FOXP1: variants seen among roughly 807,000 people sequenced by gnomAD.
FOXP1 encodes the protein forkhead box P1, also known as forkhead box protein P1.
Under a neutral mutation model 98.2 loss-of-function variants are expected in FOXP1, and 15 were observed. The ratio of observed to expected loss-of-function variants is 0.15; its 90% CI spans 0.10 to 0.24. The LOEUF (loss-of-function observed/expected upper bound fraction) is 0.24. Among genes scored for constraint, FOXP1 ranks in the 10% least tolerant of loss-of-function variants. The pLI, the probability that FOXP1 is intolerant of heterozygous loss-of-function variation, is 1.00. For synonymous variants in FOXP1, 371 were observed against 314.5 expected, an observed-to-expected ratio of 1.18 and a Z score of -1.90; for missense variants, 633 against 848.5, an observed-to-expected ratio of 0.75 and a Z score of 3.15.
chr3:71,492,876 C>A (rs1474101934), intron 3 of FOXP1, among the ~76,000 whole-genome samples: 4 of 152,104 alleles, frequency 2.6e-5, no homozygotes, highest in African/African-American at 9.7e-5. Flanking sequence ...TCTAACCTCC[C>A]CCTAAAAAGT....
intron 6 of FOXP1, among the ~76,000 whole-genome samples, chr3:71,133,492 C>G (rs972677367): frequency 1.3e-5 from 2 of 152,158 alleles, no homozygotes; most frequent in African/African-American, 4.8e-5. Context: ...AATGGCTTCA[C>G]GCTAATTGCT....
chr3:71,322,919 C>T (rs1434025746), intron 4 of FOXP1, among the ~76,000 whole-genome samples: 4 of 152,018 alleles, frequency 2.6e-5, no homozygotes, highest in African/African-American at 7.3e-5. Context: ...ATGCCAGAGC[C>T]CTTGCCCCAA....
chr3:71,125,877 A>G (rs956517488), intron 6 of FOXP1, among the ~76,000 whole-genome samples: 2 of 152,208 alleles, frequency 1.3e-5, no homozygotes, highest in Non-Finnish European at 2.9e-5. Context: ...TTGAAGCCCA[A>G]TTCTACCATT....
intron 2 of FOXP1, among the ~76,000 whole-genome samples, chr3:71,564,540 G>C (rs1407559776): frequency 2.0e-5 from 3 of 152,216 alleles, no homozygotes; most frequent in African/African-American, 7.2e-5. Flanking sequence ...AGTGTTAAAA[G>C]TCTCTGGTTG....
At chr3:71,070,840 A>C (rs1192737752) in intron 7 of FOXP1, among the ~76,000 whole-genome samples, 1 of 152,246 alleles carries the variant, frequency 6.6e-6, no homozygotes, top group Non-Finnish European at 1.5e-5. Context: ...AATGAAGCTT[A>C]GCAGTTGCAA....
At chr3:71,428,191 A>AAGG (rs1400833730) in intron 3 of FOXP1, among the ~76,000 whole-genome samples, 2 of 152,192 alleles carry the variant, frequency 1.3e-5, no homozygotes, top group Non-Finnish European at 2.9e-5. Flanking sequence ...CCCTCAGAAC[A>AAGG]AGGCATTCAG....
intron 7 of FOXP1, among the ~76,000 whole-genome samples, chr3:71,077,110 G>T (rs542013788): frequency 6.6e-6 from 1 of 152,214 alleles, no homozygotes; most frequent in Non-Finnish European, 1.5e-5. Context: ...AACAAAGCTT[G>T]AAGAGAGCTC....
At chr3:71,520,427 A>G (rs994134109) in intron 2 of FOXP1, among the ~76,000 whole-genome samples, 1 of 152,244 alleles carries the variant, frequency 6.6e-6, no homozygotes, top group African/African-American at 2.4e-5. Context: ...GCAACTCCAC[A>G]GGAATCCTTG....
At chr3:71,404,117 T>C (rs1444861291) in intron 3 of FOXP1, among the ~76,000 whole-genome samples, 53 of 73,984 alleles carry the variant, frequency 7.2e-4, no homozygotes, top group African/African-American at 2.0e-3. Flanking sequence ...TTCTTTTCTT[T>C]TTCTTTTTTT....
At chr3:71,021,913 A>C (rs1246916972) in intron 11 of FOXP1, among the ~76,000 whole-genome samples, 2 of 152,056 alleles carry the variant, frequency 1.3e-5, no homozygotes, top group Non-Finnish European at 2.9e-5. Flanking sequence ...TTATCTTTTT[A>C]CTTTCTTTAC....
At chr3:71,330,205 T>C (rs146279159) in intron 4 of FOXP1, among the ~76,000 whole-genome samples, 12 of 152,342 alleles carry the variant, frequency 7.9e-5, no homozygotes, top group Non-Finnish European at 1.3e-4. Context: ...TACTTTAACA[T>C]TCTCCTTTGC....
At chr3:71,071,650 T>G (rs74834312) in intron 7 of FOXP1, among the ~76,000 whole-genome samples, 22,880 of 152,162 alleles carry the variant, frequency 0.15, 2,508 homozygotes, top group East Asian at 0.51. Context: ...CTTGGCTCAC[T>G]GCAACCTCCG....
intron 3 of FOXP1, among the ~76,000 whole-genome samples, chr3:71,383,377 G>A (rs1175761526): frequency 1.3e-5 from 2 of 152,172 alleles, no homozygotes; most frequent in Non-Finnish European, 2.9e-5. Flanking sequence ...ATAAAATGCT[G>A]TGAGGCTGAG....
Position 71,222,017 on chromosome 3 carries a change from G to A in FOXP1, c.-11-23625C>T, listed in dbSNP as rs565093190. Among the ~76,000 whole-genome samples the A allele has an allele frequency of 2.0e-5, 3 of 152,296 alleles. No homozygotes were observed. The East Asian group carries it at 5.8e-4, about 29-fold the overall frequency. On this transcript the variant is annotated intron_variant, in intron 5 of 20. Coordinates refer to ENST00000649528, the MANE Select transcript of FOXP1 (RefSeq NM_001349338.3). ...AAAATACAAAAATTACCTGGGCATG[G>A]TGGCGTGCGCCAGTAGTCCCAGCTA...
At chr3:71,398,094 A>G (rs561559915) in intron 3 of FOXP1, among the ~76,000 whole-genome samples, 1 of 152,328 alleles carries the variant, frequency 6.6e-6, no homozygotes, top group East Asian at 1.9e-4. Flanking sequence ...CACTCTTCGT[A>G]CCACTCATAG....
rs555695538 is a variant in FOXP1, at chr3:71,130,738, C to G, written c.181-18101G>C. 3 of 1,479,928 alleles carry G rather than the reference C, an allele frequency of 2.0e-6. No homozygotes were observed. The East Asian group carries it at 7.4e-5, about 36-fold the overall frequency. The allele number at this position is 1,479,928 out of a possible 1,614,324, so 91.7% of individuals were successfully genotyped here. A position where few individuals can be genotyped will look rare whatever the true frequency, so the allele number is the denominator to read the frequency against. On this transcript the variant is annotated intron_variant, in intron 6 of 20. Coordinates refer to ENST00000649528, the MANE Select transcript of FOXP1 (RefSeq NM_001349338.3). ...TGCCTCCACAGTAGCTGGCTGGGCT[C>G]TCACTAAATGACAAAGAAACCACAA... is the stretch of plus-strand genomic sequence containing the variant.
intron 11 of FOXP1, 120 bp downstream of exon 11, chr3:71,041,208 T>C: frequency 1.2e-6 from 1 of 802,718 alleles, no homozygotes; most frequent in Non-Finnish European, 2.2e-6. Context: ...CCTCAGTAAT[T>C]ATATGCACAT....
intron 13 of FOXP1, among the ~76,000 whole-genome samples, chr3:70,993,267 C>T (rs1222713506): frequency 3.9e-5 from 6 of 152,186 alleles, no homozygotes; most frequent in South Asian, 4.1e-4. Context: ...CCAGTGTCAC[C>T]GGACTCCAGC....
At chr3:71,080,429 CA>C (rs1350437656) in intron 7 of FOXP1, among the ~76,000 whole-genome samples, 1 of 152,168 alleles carries the variant, frequency 6.6e-6, no homozygotes, top group Non-Finnish European at 1.5e-5. Flanking sequence ...CTACAAGATG[CA>C]ACTGTGTCTG....
Sources: allele counts gnomAD v4.1 joint callset (sites outside exome capture counted in the v4.1 genomes callset), GRCh38; gene constraint gnomAD v4.1.1; transcripts MANE v1.5; gene names NCBI Gene and HGNC (gene_info 2026-07-23, HGNC 2026-07-21).